The following PRAME variants were observed in gnomAD, a reference collection of about 807,000 sequenced individuals.
PRAME encodes melanoma antigen preferentially expressed in tumors.
In PRAME, 21 loss-of-function variants were observed where a neutral mutation model predicts 32.1. That is an observed-to-expected ratio of 0.65 (90% confidence interval 0.46 to 0.94). The LOEUF (loss-of-function observed/expected upper bound fraction) is 0.94. Among genes scored for constraint, PRAME ranks in the 40% least tolerant of loss-of-function variants. The pLI is 0.00. For missense variants in PRAME, 651 were observed against 622.3 expected (o/e 1.05, Z -0.49); for synonymous variants, 274 against 251.5 (o/e 1.09, Z -0.85).
At chr22:22,556,640 C>G (rs780131752) in intron 3 of PRAME, among the ~76,000 whole-genome samples, 172 bp downstream of exon 3, 9 of 151,738 alleles carry the variant, frequency 5.9e-5, no homozygotes, top group South Asian at 2.1e-4. Flanking sequence ...AAAGACAGCA[C>G]GGGAAGTGAA....
intron 3 of PRAME, among the ~76,000 whole-genome samples, chr22:22,555,444 G>A (rs903858354): frequency 1.4e-4 from 21 of 151,876 alleles, no homozygotes; most frequent in African/African-American, 5.1e-4. Context: ...CACCATGTTG[G>A]CCAGGCTGGT....
At chr22:22,556,336 G>C (rs1410975437) in intron 3 of PRAME, among the ~76,000 whole-genome samples, 1 of 151,328 alleles carries the variant, frequency 6.6e-6, no homozygotes, top group African/African-American at 2.4e-5. Flanking sequence ...TTTGGAGACG[G>C]AGTCTCGCTC....
chr22:22,556,089 G>A (rs1004786243), intron 3 of PRAME, among the ~76,000 whole-genome samples: 1 of 151,590 alleles, frequency 6.6e-6, no homozygotes, highest in Non-Finnish European at 1.5e-5. Context: ...CACCTCCTGG[G>A]TTCAAGCGAT....
chr22:22,553,061 TACAAAAAGGAA>T, intron 3 of PRAME: 1 of 384,638 alleles, frequency 2.6e-6, no homozygotes, highest in Non-Finnish European at 5.3e-6. Flanking sequence ...GATGTCTATT[TACAAAAAGGAA>T]AGAAAAAGTG....
intron 3 of PRAME, among the ~76,000 whole-genome samples, 189 bp downstream of exon 3, chr22:22,556,623 C>G (rs2062940117): frequency 6.6e-6 from 1 of 151,932 alleles, no homozygotes; most frequent in African/African-American, 2.4e-5. Context: ...AGGGTTGACT[C>G]TCATACAAAG....
At chr22:22,556,716 G>A in intron 3 of PRAME, 96 bp downstream of exon 3, 1 of 1,440,796 alleles carries the variant, frequency 6.9e-7, no homozygotes. Flanking sequence ...TACTGTGAGG[G>A]ACCTCAGGAT....
At chr22:22,554,411 T>C (rs754028819) in intron 3 of PRAME, among the ~76,000 whole-genome samples, 1 of 151,988 alleles carries the variant, frequency 6.6e-6, no homozygotes, top group Non-Finnish European at 1.5e-5. Context: ...CCTCAACACC[T>C]AATGGCCTTT....
intron 1 of PRAME, chr22:22,557,893 G>C (rs111895291): frequency 0.08 from 106 of 1,324 alleles, 11 homozygotes; most frequent in Middle Eastern, 0.17. Flanking sequence ...GGGTGGGGAG[G>C]AGATGGGGGT....
At position 22,548,538 on chromosome 22, in the gene PRAME, G is replaced by A; in HGVS notation, c.1059C>T (p.Val353=). 6.2e-7 allele frequency: 1 copy of A among 1,613,626 alleles called. No individual in the cohort carries two copies. The highest frequency in any genetic ancestry group is 8.5e-7 in the Non-Finnish European group (1 of 1,179,944). ...SQSPSVSQLS[V]LSLSGVMLTD... Reference sequence around the variant, plus strand: ...TCAGCATGACCCCACTTAGACTCAGGACACTTAGCTGACTGACGCTGGGAC... The same window carrying A: ...TCAGCATGACCCCACTTAGACTCAGAACACTTAGCTGACTGACGCTGGGAC... Residue 353 remains valine, a synonymous_variant, in exon 6 of 6, where the codon GTC becomes GTT. Coordinates refer to ENST00000405655, the MANE Select transcript of PRAME (RefSeq NM_206956.3).
At chr22:22,553,023 C>G (rs910932683) in intron 3 of PRAME, 3 of 451,074 alleles carry the variant, frequency 6.7e-6, no homozygotes, top group East Asian at 7.1e-5. Context: ...GGGTTTTTTA[C>G]TTACTTCAGG....
At chr22:22,549,172 T>C (rs899605449) in intron 5 of PRAME, among the ~76,000 whole-genome samples, 1 of 151,842 alleles carries the variant, frequency 6.6e-6, no homozygotes, top group African/African-American at 2.4e-5. Context: ...CACTGTATCA[T>C]CAGCAAACCA....
chr22:22,553,992 C>T, intron 3 of PRAME: 1 of 985,168 alleles, frequency 1.0e-6, no homozygotes, highest in Non-Finnish European at 1.2e-6. Flanking sequence ...CCCTAAGCTG[C>T]TCAGGTACAG....
At chr22:22,556,450 A>G (rs1191287593) in intron 3 of PRAME, among the ~76,000 whole-genome samples, 3 of 151,918 alleles carry the variant, frequency 2.0e-5, no homozygotes, top group Non-Finnish European at 4.4e-5. Flanking sequence ...AGCTGGGACT[A>G]CAGGTGCATG....
rs774304837 is a variant in PRAME at position 22,549,785 on chromosome 22, C to T, written c.894G>A (p.Leu298=). The change falls in exon 5 of 6, where the codon CTG becomes CTA. Residue 298 remains leucine (L), a synonymous_variant. Transcript: ENST00000405655. Reference sequence around the variant, plus strand: ...ATAAAGAGTCCACATAGAGAGCCTGCAGGCACTGCAGACTGAGGAACTGAG... The same window carrying T: ...ATAAAGAGTCCACATAGAGAGCCTGTAGGCACTGCAGACTGAGGAACTGAG... ...FTSQFLSLQC[L]QALYVDSLFF... is the part of the protein sequence containing the mutation. The T allele has an allele frequency of 1.9e-6, 3 of 1,613,728 alleles. No individual in the cohort carries two copies. The highest frequency in any genetic ancestry group is 1.7e-6 in the Non-Finnish European group (2 of 1,179,908).
At chr22:22,554,095 G>A (rs1023143273) in intron 3 of PRAME, 16 of 918,802 alleles carry the variant, frequency 1.7e-5, no homozygotes, top group South Asian at 1.1e-4. Context: ...TACATTTTCC[G>A]TCACAAAAAA....
rs138342868 is a variant in PRAME, at chr22:22,554,351, G to A, written c.21+2461C>T. 5 of 712,470 alleles carry A rather than the reference G, an allele frequency of 7.0e-6. No individual in the cohort carries two copies. The East Asian group carries it at 5.3e-4, about 76-fold the overall frequency. 44.1% of individuals were successfully genotyped at this position (712,470 alleles called of 1,614,324 possible). ...GTAAGGAGGCTGTAATTCGTTGAAGGATGTTTTCCATTTTGGTTCTCTCTC... is the reference window on the plus strand; with the variant it reads ...GTAAGGAGGCTGTAATTCGTTGAAGAATGTTTTCCATTTTGGTTCTCTCTC... On this transcript the variant is annotated intron_variant, in intron 3 of 5. Coordinates refer to ENST00000405655, the MANE Select transcript of PRAME (RefSeq NM_206956.3).
chr22:22,555,722 A>G (rs529068609), intron 3 of PRAME: 2 of 390,602 alleles, frequency 5.1e-6, no homozygotes, highest in Non-Finnish European at 1.1e-5. Flanking sequence ...CTTTAGTTCC[A>G]GCACAAGTCT....
At chr22:22,554,624 T>C (rs566300188) in intron 3 of PRAME, among the ~76,000 whole-genome samples, 2 of 151,988 alleles carry the variant, frequency 1.3e-5, no homozygotes, top group South Asian at 2.1e-4. Flanking sequence ...GAATCTAAAG[T>C]TCACTGTCAT....
intron 3 of PRAME, chr22:22,555,691 C>A (rs903928933): frequency 2.9e-6 from 1 of 342,626 alleles, no homozygotes; most frequent in South Asian, 2.4e-5. Flanking sequence ...CACAGTCCAA[C>A]GCACTGTGCC....
Sources: gnomAD v4.1 joint callset for allele counts (sites outside exome capture counted in the v4.1 genomes callset) on GRCh38, gnomAD v4.1.1 for gene constraint, MANE v1.5 for transcripts, NCBI Gene and HGNC (gene_info 2026-07-23, HGNC 2026-07-21) for gene names.